The following GRIA4 variants were observed in gnomAD, a reference collection of about 807,000 sequenced individuals.
GRIA4 encodes glutamate ionotropic receptor AMPA type subunit 4.
A neutral mutation model predicts 104.0 loss-of-function variants in GRIA4; 34 were observed. The observed-to-expected ratio is 0.33, with a 90% confidence interval of 0.25 to 0.44. The LOEUF (loss-of-function observed/expected upper bound fraction) is 0.44, where lower values mean the gene tolerates loss of function less well. Ranked by LOEUF, GRIA4 falls within the 20% of genes least tolerant of loss-of-function variation. The pLI is 1.00. For missense variants in GRIA4, 750 were observed against 1,096.5 expected (o/e 0.68, Z 4.46); for synonymous variants, 386 against 381.9 (o/e 1.01, Z -0.13).
chr11:105,697,954 G>C (rs974543835), intron 3 of GRIA4, among the ~76,000 whole-genome samples: 4 of 152,126 alleles, frequency 2.6e-5, no homozygotes, highest in African/African-American at 9.7e-5. Flanking sequence ...CCACCTTTAA[G>C]TGCCTTTTCT....
At chr11:105,668,929 G>A (rs1044605343) in intron 3 of GRIA4, among the ~76,000 whole-genome samples, 1 of 151,744 alleles carries the variant, frequency 6.6e-6, no homozygotes, top group Non-Finnish European at 1.5e-5. Context: ...TGAGCTCCAT[G>A]TATCTGTCTC....
chr11:105,808,957 A>G (rs2135862373), intron 4 of GRIA4, among the ~76,000 whole-genome samples: 1 of 152,216 alleles, frequency 6.6e-6, no homozygotes, highest in East Asian at 1.9e-4. Context: ...AAATGCAGTT[A>G]GGTCAGTTAG....
intron 14 of GRIA4, among the ~76,000 whole-genome samples, chr11:105,966,492 A>G (rs1591495219): frequency 1.3e-5 from 2 of 152,082 alleles, no homozygotes; most frequent in Admixed American, 1.3e-4. Flanking sequence ...CTCCACATAG[A>G]CCTGTCTAGG....
intron 3 of GRIA4, among the ~76,000 whole-genome samples, chr11:105,723,993 A>G (rs1218785956): frequency 6.6e-6 from 1 of 152,170 alleles, no homozygotes; most frequent in Non-Finnish European, 1.5e-5. Context: ...AATGACTACT[A>G]TTAAAAAGTC....
At chr11:105,656,681 C>T (rs1204562109) in intron 3 of GRIA4, among the ~76,000 whole-genome samples, 1 of 151,836 alleles carries the variant, frequency 6.6e-6, no homozygotes, top group Non-Finnish European at 1.5e-5. Context: ...GACTTATTTC[C>T]CTCAAGGTCA....
At chr11:105,829,543 C>T (rs1943897645) in intron 4 of GRIA4, among the ~76,000 whole-genome samples, 1 of 151,854 alleles carries the variant, frequency 6.6e-6, no homozygotes, top group African/African-American at 2.4e-5. Context: ...AGGGACTTTG[C>T]CAGGCAGTTT....
intron 3 of GRIA4, among the ~76,000 whole-genome samples, chr11:105,639,281 C>A (rs539477150): frequency 6.6e-6 from 1 of 152,098 alleles, no homozygotes; most frequent in Non-Finnish European, 1.5e-5. Flanking sequence ...GGTGAAGGAA[C>A]AAGTACAAAT....
intron 3 of GRIA4, among the ~76,000 whole-genome samples, chr11:105,748,658 C>T (rs971571530): frequency 6.6e-6 from 1 of 152,152 alleles, no homozygotes; most frequent in African/African-American, 2.4e-5. Flanking sequence ...ACTGGGATTA[C>T]AGGCATGAGC....
At chr11:105,940,147 T>C (rs747036421) in intron 14 of GRIA4, among the ~76,000 whole-genome samples, 5 of 152,134 alleles carry the variant, frequency 3.3e-5, no homozygotes, top group South Asian at 2.1e-4. Flanking sequence ...GGCAGATCAG[T>C]TAAGGTCAGG....
At chr11:105,650,454 T>A (rs1349321610) in intron 3 of GRIA4, among the ~76,000 whole-genome samples, 6 of 151,974 alleles carry the variant, frequency 3.9e-5, no homozygotes, top group Non-Finnish European at 7.4e-5. Flanking sequence ...GTGGTGACAA[T>A]GTGTAAAATT....
At chr11:105,661,149 C>A (rs1168211206) in intron 3 of GRIA4, among the ~76,000 whole-genome samples, 2 of 151,410 alleles carry the variant, frequency 1.3e-5, no homozygotes, top group Non-Finnish European at 3.0e-5. Context: ...CTTAATGATA[C>A]ATAGATTATC....
At chr11:105,795,922 T>C (rs2135820281) in intron 4 of GRIA4, among the ~76,000 whole-genome samples, 1 of 152,154 alleles carries the variant, frequency 6.6e-6, no homozygotes, top group Non-Finnish European at 1.5e-5. Flanking sequence ...ATAGAGGAAG[T>C]AAGGTAGGAG....
chr11:105,974,519 T>G (rs765427117), intron 16 of GRIA4, 75 bp downstream of exon 16: 1 of 1,613,836 alleles, frequency 6.2e-7, no homozygotes, highest in Non-Finnish European at 8.5e-7. Context: ...ATAGAGAAGG[T>G]TACAACGTAT....
At chr11:105,929,083 T>G (rs1591455882) in intron 13 of GRIA4, among the ~76,000 whole-genome samples, 1 of 152,074 alleles carries the variant, frequency 6.6e-6, no homozygotes, top group African/African-American at 2.4e-5. Context: ...GGCAACACGC[T>G]TTCAGGAATG....
intron 16 of GRIA4, among the ~76,000 whole-genome samples, chr11:105,977,945 G>A (rs1363012679): frequency 6.6e-6 from 1 of 152,000 alleles, no homozygotes; most frequent in East Asian, 1.9e-4. Context: ...AAATGGAATT[G>A]AATTGTTTCA....
chr11:105,810,987 T>C (rs2226567), intron 4 of GRIA4, among the ~76,000 whole-genome samples: 18,551 of 152,242 alleles, frequency 0.12, 1,243 homozygotes, highest in Admixed American at 0.22. Context: ...CTAGCATGTA[T>C]GCAATCCTTA....
intron 4 of GRIA4, among the ~76,000 whole-genome samples, chr11:105,764,639 A>G (rs1272033620): frequency 2.6e-5 from 4 of 152,136 alleles, no homozygotes; most frequent in African/African-American, 7.2e-5. Context: ...TAAGAACTAT[A>G]TATAATACAT....
chr11:105,960,800 C>G (rs1480777769), intron 14 of GRIA4, among the ~76,000 whole-genome samples: 3 of 152,198 alleles, frequency 2.0e-5, no homozygotes, highest in African/African-American at 7.2e-5. Context: ...TGCACAGTTC[C>G]ATGGGAAAAA....
At chr11:105,908,017 G>T (rs545319081) in intron 9 of GRIA4, among the ~76,000 whole-genome samples, 1 of 152,144 alleles carries the variant, frequency 6.6e-6, no homozygotes, top group South Asian at 2.1e-4. Context: ...TTTAGGGCTG[G>T]TGTGGGAATT....
Sources: allele counts gnomAD v4.1 joint callset (sites outside exome capture counted in the v4.1 genomes callset), GRCh38; gene constraint gnomAD v4.1.1; transcripts MANE v1.5; gene names NCBI Gene and HGNC (gene_info 2026-07-23, HGNC 2026-07-21).